The following SYNJ1 variants were observed in gnomAD, a reference collection of about 807,000 sequenced individuals.
The protein encoded by SYNJ1 is polyphosphatidylinositol phosphatase SYNJ1.
In SYNJ1, 78 loss-of-function variants were observed where a neutral mutation model predicts 168.2. The observed-to-expected ratio is 0.46, with a 90% CI of 0.39 to 0.56. SYNJ1 has a LOEUF of 0.56. Ranked by LOEUF, SYNJ1 falls within the 20% of genes least tolerant of loss-of-function variation. SYNJ1 has a pLI of 0.00. For synonymous variants in SYNJ1, 539 were observed against 548.6 expected (o/e 0.98, Z 0.24); for missense variants, 1,303 against 1,597.6 (o/e 0.82, Z 3.14).
At chr21:32,650,888 C>T (rs1187812748) in intron 22 of SYNJ1, among the ~76,000 whole-genome samples, 2 of 152,188 alleles carry the variant, frequency 1.3e-5, no homozygotes, top group Non-Finnish European at 2.9e-5. Context: ...GAGAACTGAA[C>T]ACCATTTTAA....
chr21:32,657,918 G>A (rs1360474547), intron 18 of SYNJ1, 46 bp from the exon 19 acceptor site: 1 of 1,488,046 alleles, frequency 6.7e-7, no homozygotes, highest in East Asian at 2.3e-5. Context: ...ACAGCAACAA[G>A]TTCTGTTTTC....
intron 10 of SYNJ1, among the ~76,000 whole-genome samples, chr21:32,682,321 CAG>C (rs1197174208): frequency 2.0e-5 from 3 of 152,156 alleles, no homozygotes; most frequent in Admixed American, 2.0e-4. Flanking sequence ...ATAAATCTGA[CAG>C]AGTCAATGTT....
chr21:32,651,269 T>A (rs1163937803), intron 22 of SYNJ1, among the ~76,000 whole-genome samples: 3 of 152,248 alleles, frequency 2.0e-5, no homozygotes, highest in Non-Finnish European at 2.9e-5. Flanking sequence ...TATTTGCAAA[T>A]GAACTGTGTA....
At chr21:32,694,821 A>C (rs1401947430) in intron 5 of SYNJ1, among the ~76,000 whole-genome samples, 1 of 152,174 alleles carries the variant, frequency 6.6e-6, no homozygotes, top group Non-Finnish European at 1.5e-5. Flanking sequence ...ACCAAAACAC[A>C]CAACACTGAC....
chr21:32,656,914 A>G lies in SYNJ1; in HGVS notation c.2580-12T>C, dbSNP rs1451059340. 1 of 1,612,968 alleles carries G rather than the reference A, an allele frequency of 6.2e-7. No homozygotes were observed. Among genetic ancestry groups the G allele is most frequent in the South Asian group, 1.1e-5 (1 of 90,948 alleles). ...GGGCAACGACAGGCCTTAAGGCATAAAGGAAGATAGATGTATTAGAAATGT... is the reference window on the plus strand; with the variant it reads ...GGGCAACGACAGGCCTTAAGGCATAGAGGAAGATAGATGTATTAGAAATGT... On this transcript the variant is annotated splice_polypyrimidine_tract_variant and intron_variant, in intron 20 of 32. Transcript: ENST00000674351.
chr21:32,677,595 C>T (rs1375036218), intron 12 of SYNJ1, among the ~76,000 whole-genome samples: 3 of 152,096 alleles, frequency 2.0e-5, no homozygotes, highest in Non-Finnish European at 2.9e-5. Flanking sequence ...TGACAAAACA[C>T]AAATCAGTCA....
chr21:32,727,426 G>T (rs1180626207), intron 1 of SYNJ1, among the ~76,000 whole-genome samples: 1 of 152,210 alleles, frequency 6.6e-6, no homozygotes, highest in African/African-American at 2.4e-5. Context: ...TCTCCCGGGG[G>T]TGGCGATGAA....
At chr21:32,684,769 T>C (rs554992005) in intron 9 of SYNJ1, among the ~76,000 whole-genome samples, 58 of 152,166 alleles carry the variant, frequency 3.8e-4, no homozygotes, top group Non-Finnish European at 7.5e-4. Context: ...TATAACAGCA[T>C]GAAGTATGGA....
chr21:32,656,927 G>C, intron 20 of SYNJ1, 25 bp from the exon 21 acceptor site: 1 of 1,611,182 alleles, frequency 6.2e-7, no homozygotes, highest in Non-Finnish European at 8.5e-7. Flanking sequence ...GAAGATAGAT[G>C]TATTAGAAAT....
chr21:32,716,791 C>T (rs774140902), intron 2 of SYNJ1, among the ~76,000 whole-genome samples: 1 of 152,172 alleles, frequency 6.6e-6, no homozygotes, highest in East Asian at 1.9e-4. Flanking sequence ...CACCGGAAGT[C>T]GTCCTGCAGT....
chr21:32,707,083 A>G (rs1406329898), intron 2 of SYNJ1, among the ~76,000 whole-genome samples: 1 of 151,584 alleles, frequency 6.6e-6, no homozygotes, highest in Non-Finnish European at 1.5e-5. Flanking sequence ...CTTTTTTCAT[A>G]CTGTTGTTTC....
chr21:32,719,151 C>A (rs987615800), intron 2 of SYNJ1, among the ~76,000 whole-genome samples: 5 of 152,238 alleles, frequency 3.3e-5, no homozygotes, highest in African/African-American at 1.2e-4. Flanking sequence ...ACTGTGTGCT[C>A]AGATGCCCCA....
At chr21:32,698,992 G>C (rs1404723803) in intron 4 of SYNJ1, among the ~76,000 whole-genome samples, 1 of 152,176 alleles carries the variant, frequency 6.6e-6, no homozygotes, top group Non-Finnish European at 1.5e-5. Flanking sequence ...TGAAAGTTCA[G>C]TGTAGACTGG....
intron 9 of SYNJ1, among the ~76,000 whole-genome samples, chr21:32,684,394 T>A (rs543281116): frequency 2.0e-4 from 30 of 152,314 alleles, no homozygotes; most frequent in Non-Finnish European, 3.8e-4. Context: ...AAATATACAT[T>A]CAGGTTTATG....
intron 26 of SYNJ1, 27 bp from the exon 27 acceptor site, chr21:32,643,484 A>T (rs758119904): frequency 6.2e-7 from 1 of 1,610,520 alleles, no homozygotes; most frequent in African/African-American, 1.3e-5. Context: ...CAGAAACTAT[A>T]TATTGTTCAG....
intron 29 of SYNJ1, among the ~76,000 whole-genome samples, chr21:32,640,615 T>TG (rs1445579835): frequency 6.6e-6 from 1 of 152,092 alleles, no homozygotes; most frequent in Non-Finnish European, 1.5e-5. Flanking sequence ...TTTTAAGAGA[T>TG]GGGGTCTTGC....
At chr21:32,639,157 A>C (rs1403327719) in intron 30 of SYNJ1, 32 bp from the exon 31 acceptor site, 2 of 1,569,584 alleles carry the variant, frequency 1.3e-6, no homozygotes, top group South Asian at 2.3e-5. Flanking sequence ...GATGTTAGGT[A>C]TATTCTAGAA....
At position 32,631,383 on chromosome 21, in the gene SYNJ1, T is replaced by C; in HGVS notation, c.*422A>G. The C allele has an allele frequency of 6.2e-7, 1 of 1,614,212 alleles. No individual in the cohort carries two copies. The highest frequency in any genetic ancestry group is 8.5e-7 in the Non-Finnish European group (1 of 1,180,040). The stretch of plus-strand genomic sequence containing the variant: ...CCTGCTTTTGTTATGACCAAGAGGC[T>C]GCAGAGAAGGGAAAGGACTGATAGT... On this transcript the variant is annotated 3_prime_UTR_variant, in exon 33 of 33. Coordinates refer to ENST00000674351, the MANE Select transcript of SYNJ1 (RefSeq NM_203446.3).
chr21:32,701,940 T>A, intron 3 of SYNJ1, 21 bp downstream of exon 3: 1 of 1,487,700 alleles, frequency 6.7e-7, no homozygotes, highest in South Asian at 1.5e-5. Flanking sequence ...ATGGATGAAT[T>A]CTACTGAATG....
Sources: gnomAD v4.1 joint callset for allele counts (sites outside exome capture counted in the v4.1 genomes callset) on GRCh38, gnomAD v4.1.1 for gene constraint, MANE v1.5 for transcripts, NCBI Gene and HGNC (gene_info 2026-07-23, HGNC 2026-07-21) for gene names.